The following SEMA3A variants were observed in gnomAD, a reference collection of about 807,000 sequenced individuals.
SEMA3A encodes semaphorin 3A, also known as semaphorin-3A.
In SEMA3A, 29 loss-of-function variants were observed where a neutral mutation model predicts 97.9. The ratio of observed to expected loss-of-function variants is 0.30; its 90% CI spans 0.22 to 0.40. The LOEUF (loss-of-function observed/expected upper bound fraction) is 0.40. Among genes scored for constraint, SEMA3A ranks in the 10% least tolerant of loss-of-function variants. The pLI, the probability that SEMA3A is intolerant of heterozygous loss-of-function variation, is 1.00. For synonymous variants in SEMA3A, 321 were observed against 323.7 expected (o/e 0.99, Z 0.09); for missense variants, 763 against 951.3 (o/e 0.80, Z 2.60).
rs142884288 is a variant in SEMA3A at position 84,343,353 on chromosome 7, G to A, written c.-169+28471C>T. On this transcript the variant is annotated intron_variant, in intron 2 of 3. Transcript: ENST00000424555. ...AAACACTGGAAGGTCTACTCATAGG[G>A]TGATTATAATCCAATACAATTTTTA... 5.2e-3 allele frequency among the ~76,000 whole-genome samples: 794 copies of A among 152,288 alleles called. 4 individuals carry two copies. Among genetic ancestry groups the A allele is most frequent in the Middle Eastern group, 0.034 (10 of 294 alleles).
intron 4 of SEMA3A, among the ~76,000 whole-genome samples, chr7:84,065,114 CT>C (rs1793427268): frequency 7.0e-6 from 1 of 141,968 alleles, no homozygotes; most frequent in Non-Finnish European, 1.5e-5. Flanking sequence ...GATTAAGAAT[CT>C]CACTCAAAAC....
At chr7:84,415,115 T>C (rs1305912521) in intron 1 of SEMA3A, among the ~76,000 whole-genome samples, 6 of 152,106 alleles carry the variant, frequency 3.9e-5, no homozygotes. Context: ...CTGGATTAGA[T>C]ATAAAACTAG....
rs189276053 is a variant in SEMA3A, at chr7:84,057,706, A to T, written c.547+2759T>A. On this transcript the variant is annotated intron_variant, in intron 5 of 16. Coordinates refer to ENST00000265362, the MANE Select transcript of SEMA3A (RefSeq NM_006080.3). ...CTTGAACCCGGGAGACAGAGGTTGC[A>T]GTTAGCTGAGATGCCACTGCACTCC... 4.3e-3 allele frequency among the ~76,000 whole-genome samples: 653 copies of T among 152,038 alleles called. 7 individuals are homozygous for T. Among genetic ancestry groups the T allele is most frequent in the African/African-American group, 0.015 (620 of 41,464 alleles).
chr7:84,301,672 A>C (rs1163166720), intron 3 of SEMA3A, among the ~76,000 whole-genome samples: 1 of 152,132 alleles, frequency 6.6e-6, no homozygotes, highest in Non-Finnish European at 1.5e-5. Context: ...CTCTTTCACA[A>C]TTACTCAATT....
At chr7:84,223,956 A>G (rs1275259076) in intron 3 of SEMA3A, among the ~76,000 whole-genome samples, 2 of 151,936 alleles carry the variant, frequency 1.3e-5, no homozygotes, top group Non-Finnish European at 2.9e-5. Flanking sequence ...AAGGACCAAT[A>G]TGGAAATAAA....
intron 1 of SEMA3A, among the ~76,000 whole-genome samples, chr7:84,193,358 G>A (rs925931093): frequency 1.3e-4 from 19 of 151,918 alleles, no homozygotes; most frequent in African/African-American, 4.1e-4. Flanking sequence ...TAAGAGCAAG[G>A]TACAGTAGAC....
intron 1 of SEMA3A, among the ~76,000 whole-genome samples, chr7:84,484,945 T>A (rs1462073324): frequency 6.6e-6 from 1 of 152,244 alleles, no homozygotes; most frequent in Non-Finnish European, 1.5e-5. Flanking sequence ...GGCATGTTTG[T>A]ACATATTTAC....
intron 1 of SEMA3A, among the ~76,000 whole-genome samples, chr7:84,465,992 G>A (rs2116398792): frequency 6.6e-6 from 1 of 152,116 alleles, no homozygotes; most frequent in East Asian, 1.9e-4. Context: ...TTCATACCTT[G>A]ACATAGCTGA....
chr7:84,336,000 C>A (rs1802029488), intron 2 of SEMA3A, among the ~76,000 whole-genome samples: 1 of 152,018 alleles, frequency 6.6e-6, no homozygotes, highest in African/African-American at 2.4e-5. Context: ...AATTCAGATG[C>A]CACATGTGGC....
intron 4 of SEMA3A, among the ~76,000 whole-genome samples, chr7:84,098,708 T>C (rs1252689321): frequency 6.6e-6 from 1 of 152,104 alleles, no homozygotes; most frequent in African/African-American, 2.4e-5. Flanking sequence ...TTTGAGTGTT[T>C]AGAACTAAGT....
chr7:84,070,248 A>C (rs2115749259), intron 4 of SEMA3A, among the ~76,000 whole-genome samples: 1 of 152,292 alleles, frequency 6.6e-6, no homozygotes, highest in Non-Finnish European at 1.5e-5. Flanking sequence ...TGATTGCATC[A>C]GTTTTCAACG....
chr7:83,975,690 G>C (rs1004839675), intron 15 of SEMA3A, among the ~76,000 whole-genome samples: 1 of 152,076 alleles, frequency 6.6e-6, no homozygotes, highest in Non-Finnish European at 1.5e-5. Flanking sequence ...GATTGGTTCA[G>C]TTACATTCTC....
intron 1 of SEMA3A, among the ~76,000 whole-genome samples, chr7:84,426,518 C>T (rs1316433280): frequency 6.6e-6 from 1 of 151,884 alleles, no homozygotes; most frequent in Non-Finnish European, 1.5e-5. Flanking sequence ...TTCAATATTC[C>T]CTGAATCTGT....
At chr7:83,977,788 C>CTTTTT (rs139682272) in intron 14 of SEMA3A, among the ~76,000 whole-genome samples, 23 of 141,046 alleles carry the variant, frequency 1.6e-4, no homozygotes, top group South Asian at 4.4e-4. Context: ...TCAACCTATC[C>CTTTTT]TTTTTTTTTT....
chr7:84,304,328 TACTC>T (rs1417757525), intron 3 of SEMA3A, among the ~76,000 whole-genome samples: 2 of 152,116 alleles, frequency 1.3e-5, no homozygotes, highest in African/African-American at 4.8e-5. Context: ...CCTTCACAAT[TACTC>T]AATAATACAA....
At chr7:84,083,361 T>C (rs1231374349) in intron 4 of SEMA3A, among the ~76,000 whole-genome samples, 3 of 151,976 alleles carry the variant, frequency 2.0e-5, no homozygotes, top group Admixed American at 1.3e-4. Flanking sequence ...ATGTGATGTT[T>C]TGATGCAAGT....
chr7:84,382,977 A>G (rs1803305964), intron 1 of SEMA3A, among the ~76,000 whole-genome samples: 1 of 152,096 alleles, frequency 6.6e-6, no homozygotes, highest in Non-Finnish European at 1.5e-5. Flanking sequence ...AATAAACATA[A>G]TACTGGATTT....
chr7:84,025,280 T>G (rs1791507022), intron 6 of SEMA3A, among the ~76,000 whole-genome samples: 2 of 152,232 alleles, frequency 1.3e-5, no homozygotes, highest in African/African-American at 4.8e-5. Context: ...GGCTTCAAAA[T>G]ATTTACAAAG....
chr7:84,406,415 C>G (rs1804089978), intron 1 of SEMA3A, among the ~76,000 whole-genome samples: 1 of 151,812 alleles, frequency 6.6e-6, no homozygotes, highest in Non-Finnish European at 1.5e-5. Context: ...TAATAGTTTA[C>G]CAACCAAAAA....
Sources: gnomAD v4.1 joint callset for allele counts (sites outside exome capture counted in the v4.1 genomes callset) on GRCh38, gnomAD v4.1.1 for gene constraint, MANE v1.5 for transcripts, NCBI Gene and HGNC (gene_info 2026-07-23, HGNC 2026-07-21) for gene names.